MARCHF7: variants seen among roughly 807,000 people sequenced by gnomAD.
MARCHF7 encodes membrane associated ring-CH-type finger 7, also known as E3 ubiquitin-protein ligase MARCHF7.
In MARCHF7, 20 loss-of-function variants were observed where a neutral mutation model predicts 76.5. The ratio of observed to expected loss-of-function variants is 0.26; its 90% CI spans 0.18 to 0.38. The LOEUF (loss-of-function observed/expected upper bound fraction) is 0.38. Among genes scored for constraint, MARCHF7 ranks in the 10% least tolerant of loss-of-function variants. The probability of loss-of-function intolerance (pLI) is 1.00; values close to 1 mark genes in which losing one functional copy is unlikely to be tolerated. For missense variants in MARCHF7, 797 were observed against 812.9 expected, an observed-to-expected ratio of 0.98 and a Z score of 0.24; for synonymous variants, 295 against 293.0, an observed-to-expected ratio of 1.01 and a Z score of -0.07.
intron 7 of MARCHF7, 34 bp from the exon 8 acceptor site, chr2:159,752,368 A>G (rs781750089): frequency 2.0e-6 from 3 of 1,523,760 alleles, no homozygotes; most frequent in Non-Finnish European, 2.6e-6. Context: ...AGGATGAGTT[A>G]TGATAGCTTT....
intron 4 of MARCHF7, 71 bp from the exon 5 acceptor site, chr2:159,742,990 A>G: frequency 7.7e-7 from 1 of 1,290,720 alleles, no homozygotes; most frequent in Non-Finnish European, 1.1e-6. Context: ...GGAATTTATT[A>G]GAGGACTGTG....
chr2:159,764,392 C>A (rs570026138), intron 10 of MARCHF7, among the ~76,000 whole-genome samples: 112 of 151,916 alleles, frequency 7.4e-4, no homozygotes, highest in Non-Finnish European at 1.4e-3. Context: ...ATTATTGTAT[C>A]TGCTCCCAAT....
intron 3 of MARCHF7, among the ~76,000 whole-genome samples, chr2:159,718,055 G>A (rs1413256804): frequency 6.6e-6 from 1 of 152,202 alleles, no homozygotes; most frequent in Non-Finnish European, 1.5e-5. Flanking sequence ...ATAATAGCTA[G>A]TATTTGCTGA....
chr2:159,766,729 T>C (rs937402657), intron 11 of MARCHF7, among the ~76,000 whole-genome samples: 1 of 152,222 alleles, frequency 6.6e-6, no homozygotes, highest in African/African-American at 2.4e-5. Flanking sequence ...AATCCAATTA[T>C]TTTAATTTAG....
intron 4 of MARCHF7, among the ~76,000 whole-genome samples, chr2:159,732,542 C>T (rs1702940934): frequency 6.6e-6 from 1 of 152,148 alleles, no homozygotes; most frequent in Non-Finnish European, 1.5e-5. Context: ...AGACAGGGTC[C>T]TGCTCTGTCA....
At chr2:159,723,157 T>G (rs968935264) in intron 3 of MARCHF7, among the ~76,000 whole-genome samples, 9 of 152,242 alleles carry the variant, frequency 5.9e-5, no homozygotes, top group African/African-American at 2.2e-4. Context: ...GCATTGTCAC[T>G]GTTTAACCAT....
At chr2:159,752,205 G>T (rs1030638807) in intron 7 of MARCHF7, among the ~76,000 whole-genome samples, 197 bp from the exon 8 acceptor site, 2 of 152,080 alleles carry the variant, frequency 1.3e-5, no homozygotes, top group African/African-American at 4.8e-5. Context: ...TTCTCAATGA[G>T]AGAGTTTTTC....
Position 159,759,316 on chromosome 2 carries a change from G to A in MARCHF7, c.1874G>A (p.Arg625Lys). 1 of 1,601,224 alleles carries A rather than the reference G, an allele frequency of 6.2e-7. No individual in the cohort carries two copies. Among genetic ancestry groups the A allele is most frequent in the Non-Finnish European group, 8.5e-7 (1 of 1,169,786 alleles). ...LEDFDIHELH[R>K]AHANEQAEYE... ...GATTTTGATATTCATGAACTACATA[G>A]AGCTCATGCAAATGAACAAGTTAGT... The change falls in exon 9 of 12, where the codon AGA becomes AAA. Residue 625 changes from arginine (R) to lysine (K), a missense_variant. By Grantham distance (26) the Arg-to-Lys change is conservative. Around this residue, in one of 3 missense-constraint regions of MARCHF7, gnomAD observed 124 missense variants for 121.3 expected, o/e 1.02. Coordinates refer to ENST00000409175, the MANE Select transcript of MARCHF7 (RefSeq NM_001282805.2).
chr2:159,761,383 AAT>A (rs1707051938), intron 9 of MARCHF7, among the ~76,000 whole-genome samples: 1 of 146,752 alleles, frequency 6.8e-6, no homozygotes. Flanking sequence ...AATAAGCAAC[AAT>A]AATTATTAAG....
chr2:159,765,614 T>TA (rs1471599814), intron 11 of MARCHF7, among the ~76,000 whole-genome samples: 1 of 152,194 alleles, frequency 6.6e-6, no homozygotes, highest in African/African-American at 2.4e-5. Context: ...ATAGTGTGCA[T>TA]AACATTTTTA....
intron 11 of MARCHF7, among the ~76,000 whole-genome samples, chr2:159,766,687 A>G (rs1280205243): frequency 4.6e-5 from 7 of 152,170 alleles, no homozygotes; most frequent in Middle Eastern, 3.2e-3. Context: ...GTGTGGAGAC[A>G]GGGGAATAAT....
At chr2:159,713,525 T>C (rs1700558886) in intron 1 of MARCHF7, among the ~76,000 whole-genome samples, 1 of 152,202 alleles carries the variant, frequency 6.6e-6, no homozygotes, top group Non-Finnish European at 1.5e-5. Context: ...ATTTTTCTGA[T>C]TACATGTTAT....
chr2:159,765,762 G>A (rs1426090765), intron 11 of MARCHF7, among the ~76,000 whole-genome samples: 1 of 152,116 alleles, frequency 6.6e-6, no homozygotes, highest in African/African-American at 2.4e-5. Context: ...TAAAGGTTTT[G>A]AGATGAAACC....
At position 159,752,428 on chromosome 2, in the gene MARCHF7, A is replaced by G; in HGVS notation, c.1640A>G (p.Glu547Gly). The stretch of plus-strand genomic sequence containing the variant: ...CTCCTTTTAGAGGACTCAGAAGAAG[A>G]AGAAGGTGACTTATGTAGAATTTGT... ...ESLLLEDSEE[E>G]EGDLCRICQM... Residue 547 changes from glutamate to glycine, a missense_variant, in exon 8 of 12, where the codon GAA becomes GGA. Coordinates refer to ENST00000409175, the MANE Select transcript of MARCHF7 (RefSeq NM_001282805.2). 2 of 1,598,722 alleles carry G rather than the reference A, an allele frequency of 1.3e-6. No homozygotes were observed. Among genetic ancestry groups the G allele is most frequent in the Non-Finnish European group, 1.7e-6 (2 of 1,174,166 alleles).
intron 4 of MARCHF7, chr2:159,732,843 T>A (rs779373229): frequency 2.5e-5 from 25 of 985,080 alleles, no homozygotes; most frequent in Non-Finnish European, 2.8e-5. Flanking sequence ...GTATTTTATT[T>A]ATCTGTATTT....
chr2:159,763,002 T>C lies in MARCHF7; in HGVS notation c.2007+9T>C, dbSNP rs1412480225. 6.3e-7 allele frequency: 1 copy of C among 1,592,592 alleles called. No individual in the cohort carries two copies. On this transcript the variant is annotated intron_variant, in intron 10 of 11. Transcript: ENST00000409175. ...CAAGCACACGTGTCCGAGTAAGTAATAATGAAGTTGGGGAGAGGGAGGGTA... is the reference window on the plus strand; with the variant it reads ...CAAGCACACGTGTCCGAGTAAGTAACAATGAAGTTGGGGAGAGGGAGGGTA...
intron 8 of MARCHF7, among the ~76,000 whole-genome samples, chr2:159,753,882 G>A (rs555175998): frequency 6.6e-6 from 1 of 152,174 alleles, no homozygotes; most frequent in Non-Finnish European, 1.5e-5. Context: ...CAGTAAATTG[G>A]ATGTGATGGA....
chr2:159,757,371 T>TTA (rs1349456336), intron 8 of MARCHF7, among the ~76,000 whole-genome samples: 1 of 152,224 alleles, frequency 6.6e-6, no homozygotes, highest in Admixed American at 6.5e-5. Context: ...TAAGCATTTA[T>TTA]TAAGAAGCTA....
At chr2:159,734,034 C>T (rs1479293026) in intron 4 of MARCHF7, 1 of 1,350,848 alleles carries the variant, frequency 7.4e-7, no homozygotes. Context: ...AAATTTTTAT[C>T]ACAATTTGAA....
Sources: allele counts gnomAD v4.1 joint callset (sites outside exome capture counted in the v4.1 genomes callset), GRCh38; gene constraint gnomAD v4.1.1; regional missense constraint gnomAD v4.1.1; transcripts MANE v1.5; gene names NCBI Gene and HGNC (gene_info 2026-07-23, HGNC 2026-07-21).